TAFA1: variants seen among roughly 807,000 people sequenced by gnomAD.
TAFA1 encodes chemokine-like protein TAFA-1.
A neutral mutation model predicts 18.5 loss-of-function variants in TAFA1; 4 were observed. The observed-to-expected ratio is 0.22, with a 90% CI of 0.11 to 0.49. The LOEUF is 0.49. TAFA1 is among the 20% of genes least tolerant of loss of function. The pLI, the probability that TAFA1 is intolerant of heterozygous loss-of-function variation, is 0.98. For missense variants in TAFA1, 147 were observed against 169.0 expected (o/e 0.87, Z 0.72); for synonymous variants, 56 against 55.2 (o/e 1.01, Z -0.06).
chr3:68,426,110 C>A (rs1259200717), intron 3 of TAFA1, among the ~76,000 whole-genome samples: 3 of 151,326 alleles, frequency 2.0e-5, no homozygotes, highest in African/African-American at 4.9e-5. Flanking sequence ...TATATATAAT[C>A]TGTTGTGAAT....
At chr3:68,161,350 G>A (rs1269596349) in intron 2 of TAFA1, among the ~76,000 whole-genome samples, 3 of 152,060 alleles carry the variant, frequency 2.0e-5, no homozygotes, top group Non-Finnish European at 4.4e-5. Flanking sequence ...TTTTAAGAGG[G>A]TACAGTGGGG....
At chr3:68,094,709 A>C (rs2065067355) in intron 2 of TAFA1, among the ~76,000 whole-genome samples, 1 of 152,100 alleles carries the variant, frequency 6.6e-6, no homozygotes, top group South Asian at 2.1e-4. Context: ...CATGAGCCTC[A>C]GTATTCTCAA....
intron 2 of TAFA1, among the ~76,000 whole-genome samples, chr3:68,142,474 G>T (rs1258535638): frequency 6.6e-6 from 1 of 152,210 alleles, no homozygotes; most frequent in Non-Finnish European, 1.5e-5. Flanking sequence ...TTTCCATGGT[G>T]CACTGTGCAT....
intron 2 of TAFA1, among the ~76,000 whole-genome samples, chr3:68,189,728 T>G (rs1420231020): frequency 6.6e-6 from 1 of 151,916 alleles, no homozygotes; most frequent in Admixed American, 6.6e-5. Context: ...TTTCTTCATT[T>G]CTAAAATGAG....
At chr3:68,046,602 T>C (rs921739597) in intron 2 of TAFA1, among the ~76,000 whole-genome samples, 1 of 152,192 alleles carries the variant, frequency 6.6e-6, no homozygotes, top group Admixed American at 6.5e-5. Context: ...ATGATAAATA[T>C]TGATTGAGTG....
intron 2 of TAFA1, among the ~76,000 whole-genome samples, chr3:68,271,126 AC>A (rs1462535476): frequency 6.6e-6 from 1 of 151,914 alleles, no homozygotes; most frequent in African/African-American, 2.4e-5. Flanking sequence ...ATTCTACCCC[AC>A]CCTGCCCCTT....
At chr3:68,182,979 G>T (rs1005413063) in intron 2 of TAFA1, among the ~76,000 whole-genome samples, 22 of 152,076 alleles carry the variant, frequency 1.4e-4, no homozygotes, top group African/African-American at 4.8e-4. Context: ...AATCATCAAA[G>T]TCATGTATCT....
chr3:68,538,595 TAA>T (rs2073314417), intron 3 of TAFA1, among the ~76,000 whole-genome samples, 159 bp from the exon 4 acceptor site: 1 of 152,226 alleles, frequency 6.6e-6, no homozygotes, highest in African/African-American at 2.4e-5. Flanking sequence ...GCATATAAAT[TAA>T]AATCTTATTT....
At chr3:68,403,764 T>C (rs899776629) in intron 2 of TAFA1, among the ~76,000 whole-genome samples, 1 of 152,192 alleles carries the variant, frequency 6.6e-6, no homozygotes, top group Non-Finnish European at 1.5e-5. Flanking sequence ...AGTTTGTTGA[T>C]CCTTGATCTG....
intron 3 of TAFA1, among the ~76,000 whole-genome samples, chr3:68,420,125 A>G (rs1252570029): frequency 6.6e-6 from 1 of 152,176 alleles, no homozygotes; most frequent in African/African-American, 2.4e-5. Flanking sequence ...GTCTTAATAC[A>G]TTATCTGAGA....
At chr3:68,049,437 TC>T (rs891343415) in intron 2 of TAFA1, among the ~76,000 whole-genome samples, 2 of 151,950 alleles carry the variant, frequency 1.3e-5, no homozygotes, top group African/African-American at 2.4e-5. Context: ...GTTTTTTTAA[TC>T]CCTGAAGAAA....
At chr3:68,302,817 C>T (rs2068330036) in intron 2 of TAFA1, among the ~76,000 whole-genome samples, 1 of 152,068 alleles carries the variant, frequency 6.6e-6, no homozygotes, top group Non-Finnish European at 1.5e-5. Flanking sequence ...TTTCCCTAAG[C>T]CTCAGTTTAT....
chr3:68,370,718 G>T (rs1261394519), intron 2 of TAFA1, among the ~76,000 whole-genome samples: 1 of 147,536 alleles, frequency 6.8e-6, no homozygotes, highest in Admixed American at 6.8e-5. Context: ...AGCCACAAAA[G>T]TACTCCTAGA....
At chr3:68,055,167 C>T (rs1422066229) in intron 2 of TAFA1, among the ~76,000 whole-genome samples, 2 of 152,084 alleles carry the variant, frequency 1.3e-5, no homozygotes, top group East Asian at 3.9e-4. Context: ...GTGATAGAAA[C>T]TTAATCCCCT....
At chr3:68,526,458 A>G (rs973359211) in intron 3 of TAFA1, among the ~76,000 whole-genome samples, 10 of 152,152 alleles carry the variant, frequency 6.6e-5, no homozygotes, top group African/African-American at 2.4e-4. Flanking sequence ...TTGCAAATGA[A>G]CTCAATACCA....
intron 3 of TAFA1, among the ~76,000 whole-genome samples, chr3:68,502,658 C>T (rs1406181517): frequency 6.6e-6 from 1 of 152,020 alleles, no homozygotes; most frequent in Non-Finnish European, 1.5e-5. Context: ...CCCTGATTCT[C>T]CCCAGCCCCA....
At chr3:68,379,917 T>TC (rs1290636527) in intron 2 of TAFA1, among the ~76,000 whole-genome samples, 1 of 151,724 alleles carries the variant, frequency 6.6e-6, no homozygotes, top group South Asian at 2.1e-4. Context: ...CCCTTCCCCT[T>TC]CCCCCCACCC....
chr3:68,094,793 T>C (rs1433244952), intron 2 of TAFA1, among the ~76,000 whole-genome samples: 1 of 152,172 alleles, frequency 6.6e-6, no homozygotes, highest in African/African-American at 2.4e-5. Flanking sequence ...GATGTTAGTG[T>C]TCTTGCTGCT....
upstream of TAFA1, among the ~76,000 whole-genome samples, chr3:68,003,535 C>T (rs969437204): frequency 6.6e-6 from 1 of 152,034 alleles, no homozygotes; most frequent in Non-Finnish European, 1.5e-5. Flanking sequence ...AGAATTATTA[C>T]CAGCACAATC....
Sources: gnomAD v4.1 joint callset for allele counts (sites outside exome capture counted in the v4.1 genomes callset) on GRCh38, gnomAD v4.1.1 for gene constraint, MANE v1.5 for transcripts, NCBI Gene and HGNC (gene_info 2026-07-23, HGNC 2026-07-21) for gene names.